MRPL2: variants seen among roughly 807,000 people sequenced by gnomAD.
The protein encoded by MRPL2 is large ribosomal subunit protein uL2m.
In MRPL2, 27 loss-of-function variants were observed where a neutral mutation model predicts 34.6. The observed-to-expected ratio is 0.78, with a 90% CI of 0.58 to 1.08. The LOEUF is 1.08. Among genes scored for constraint, MRPL2 ranks in the 50% least tolerant of loss-of-function variants. MRPL2 has a pLI of 0.00. For missense variants in MRPL2, 414 were observed against 419.3 expected (o/e 0.99, Z 0.11); for synonymous variants, 155 against 158.0 (o/e 0.98, Z 0.14).
rs1394432689 is a variant in MRPL2 at position 43,056,009 on chromosome 6, TAA to T, written c.521-4_521-3del. ...GCGCATCCCCTTCCCGAGCAGCAAC[TAA>T]AAGACAGGATTTCATTAGCTCTAGA... On this transcript the variant is annotated splice_region_variant and splice_polypyrimidine_tract_variant and intron_variant, in intron 4 of 6. Coordinates refer to ENST00000388752, the MANE Select transcript of MRPL2 (RefSeq NM_015950.5). 1.9e-6 allele frequency: 3 copies of T among 1,614,160 alleles called. No homozygotes were observed. The highest frequency in any genetic ancestry group is 2.5e-6 in the Non-Finnish European group (3 of 1,180,026).
In MRPL2 at chr6:43,054,210, A is replaced by T; in HGVS notation, c.*64T>A. 3.2e-6 allele frequency: 4 copies of T among 1,236,966 alleles called. No individual in the cohort carries two copies. The highest frequency in any genetic ancestry group is 4.5e-6 in the Non-Finnish European group (4 of 890,132). 76.6% of individuals were successfully genotyped at this position (1,236,966 alleles called of 1,614,324 possible). A position where few individuals can be genotyped will look rare whatever the true frequency, so the allele number is the denominator to read the frequency against. On this transcript the variant is annotated 3_prime_UTR_variant, in exon 7 of 7. Coordinates refer to ENST00000388752, the MANE Select transcript of MRPL2 (RefSeq NM_015950.5). ...ACAACAAAAAAAACAAAAAACACCC[A>T]AAACAAAACCACAGTAACAGATTAA... is the stretch of plus-strand genomic sequence containing the variant.
In MRPL2 at chr6:43,054,272, T is replaced by TATC; in HGVS notation, c.917_*1dup. ...GGGGCATTTTATTAGAGTACAGGGA[T>TATC]ATCAGCTTTGGGCAGAAGCAGAAGG... On this transcript the variant is annotated 3_prime_UTR_variant, in exon 7 of 7. Transcript: ENST00000388752. 1 of 1,485,910 alleles carries TATC rather than the reference T, an allele frequency of 6.7e-7. No individual in the cohort carries two copies. The highest frequency in any genetic ancestry group is 9.2e-7 in the Non-Finnish European group (1 of 1,091,524). 92.0% of individuals were successfully genotyped at this position (1,485,910 alleles called of 1,614,324 possible).
At chr6:43,059,547 C>T (rs1765023859), upstream of MRPL2, 2 of 1,426,988 alleles carry the variant, frequency 1.4e-6, no homozygotes, top group Non-Finnish European at 1.8e-6. Context: ...AGCCAATCCG[C>T]GGGCAGCTCT....
chr6:43,057,803 A>C (rs1017972282), intron 2 of MRPL2: 2 of 449,358 alleles, frequency 4.5e-6, no homozygotes, highest in African/African-American at 4.0e-5. Flanking sequence ...GAAGGGTATG[A>C]AGGAAAATGT....
At chr6:43,055,034 C>T (rs1220464094) in intron 6 of MRPL2, among the ~76,000 whole-genome samples, 2 of 151,748 alleles carry the variant, frequency 1.3e-5, no homozygotes, top group African/African-American at 4.8e-5. Flanking sequence ...GATTGTGCCA[C>T]TGCACTCAAG....
In MRPL2 at chr6:43,056,133, G is replaced by GT. The variant is rs1764871212; in HGVS notation, c.467dup (p.Asn156LysfsTer12). On this transcript the variant is annotated frameshift_variant, in exon 4 of 7. Coordinates refer to ENST00000388752, the MANE Select transcript of MRPL2 (RefSeq NM_015950.5). LOFTEE classifies it high-confidence loss of function. ...TCAAGATTGTATCTCCAGCCTGCAT[G>GT]TTTTCTGTGGCGATGATCCAGCGTT... is the stretch of plus-strand genomic sequence containing the variant. 6.2e-7 allele frequency: 1 copy of GT among 1,614,104 alleles called. No individual in the cohort carries two copies. The highest frequency in any genetic ancestry group is 1.3e-5 in the African/African-American group (1 of 74,924).
At chr6:43,056,029 G>A in intron 4 of MRPL2, 22 bp from the exon 5 acceptor site, 6 of 1,614,118 alleles carry the variant, frequency 3.7e-6, no homozygotes, top group Non-Finnish European at 5.1e-6. Context: ...GATTTCATTA[G>A]CTCTAGAACT....
Position 43,054,244 on chromosome 6 carries a change from G to GGGGGGGCATTTTATT in MRPL2, c.*15_*29dup. 1 of 1,395,972 alleles carries GGGGGGGCATTTTATT rather than the reference G, an allele frequency of 7.2e-7. No homozygotes were observed. The highest frequency in any genetic ancestry group is 9.8e-7 in the Non-Finnish European group (1 of 1,022,280). 86.5% of individuals were successfully genotyped at this position (1,395,972 alleles called of 1,614,324 possible). A position where few individuals can be genotyped will look rare whatever the true frequency, so the allele number is the denominator to read the frequency against. On this transcript the variant is annotated 3_prime_UTR_variant, in exon 7 of 7. Transcript: ENST00000388752. The stretch of plus-strand genomic sequence containing the variant: ...CCACAGTAACAGATTAAAACGGGGG[G>GGGGGGGCATTTTATT]GGGGGGCATTTTATTAGAGTACAGG...
chr6:43,056,483 A>G (rs1021065636), intron 2 of MRPL2, 38 bp from the exon 3 acceptor site: 14 of 1,612,746 alleles, frequency 8.7e-6, no homozygotes, highest in Non-Finnish European at 1.2e-5. Flanking sequence ...GATTCAGGTC[A>G]GAGTAGTTTA....
rs535192955 is a variant in MRPL2 at position 43,058,124 on chromosome 6, C to T, written c.206G>A (p.Arg69His). 6 of 1,614,116 alleles carry T rather than the reference C, an allele frequency of 3.7e-6. No homozygotes were observed. In the African/African-American group the frequency reaches 4.0e-5, roughly 11 times the overall value. Residue 69 changes from arginine to histidine, a missense_variant, in exon 2 of 7, where the codon CGT becomes CAT. Arg to His is a conservative substitution (Grantham distance 29). Coordinates refer to ENST00000388752, the MANE Select transcript of MRPL2 (RefSeq NM_015950.5). Reference sequence around the variant, plus strand: ...CACTGGTGTAATGGTGTACTTGGTACGACTCTTCCAGGACACAAAGTTGGC... The same window carrying T: ...CACTGGTGTAATGGTGTACTTGGTATGACTCTTCCAGGACACAAAGTTGGC... ...LNANFVSWKSRTKYTITPVKM... is the reference protein window; with the variant it reads ...LNANFVSWKSHTKYTITPVKM...
chr6:43,055,577 T>C lies in MRPL2; in HGVS notation c.673A>G (p.Ile225Val), dbSNP rs1764833347. 1.2e-6 allele frequency: 2 copies of C among 1,613,988 alleles called. No homozygotes were observed. The highest frequency in any genetic ancestry group is 1.7e-5 in the Admixed American group (1 of 59,984). ...VLLRKVNGTA[I>V]IQLPSKRQMQ... ...TGCCTCTTAGAGGGCAGCTGGATAA[T>C]GGCTGTGCCATTCACCTTCCGCAGT... Residue 225 changes from isoleucine to valine, a missense_variant, in exon 6 of 7, where the codon ATT (isoleucine) becomes GTT (valine). Coordinates refer to ENST00000388752, the MANE Select transcript of MRPL2 (RefSeq NM_015950.5).
intron 1 of MRPL2, among the ~76,000 whole-genome samples, chr6:43,058,483 C>T (rs144274241): frequency 7.2e-5 from 11 of 152,218 alleles, no homozygotes; most frequent in Non-Finnish European, 4.4e-5. Flanking sequence ...CAATTCCCTT[C>T]TCCAGAGCTG....
At chr6:43,055,658 G>C (rs2150344400) in intron 5 of MRPL2, 40 bp from the exon 6 acceptor site, 2 of 1,610,784 alleles carry the variant, frequency 1.2e-6, no homozygotes, top group Middle Eastern at 1.7e-4. Context: ...CACAAAACAG[G>C]GGGGTGCAGA....
At chr6:43,059,512 T>G (rs1196847004), upstream of MRPL2, 2 of 1,436,442 alleles carry the variant, frequency 1.4e-6, no homozygotes, top group African/African-American at 2.9e-5. Flanking sequence ...GATACACACC[T>G]CCTTTCCTAC....
intron 6 of MRPL2, among the ~76,000 whole-genome samples, chr6:43,054,739 A>G (rs150059188): frequency 0.022 from 3,347 of 152,106 alleles, 55 homozygotes; most frequent in Non-Finnish European, 0.034. Context: ...GAAGTTCAAG[A>G]CCAGCCTGGG....
chr6:43,058,598 A>G (rs914611407), intron 1 of MRPL2, among the ~76,000 whole-genome samples: 1 of 151,820 alleles, frequency 6.6e-6, no homozygotes, highest in South Asian at 2.1e-4. Flanking sequence ...GGGTCATTTC[A>G]CTCTTGTTCC....
In MRPL2 at chr6:43,054,503, A is replaced by G. The variant is rs751027656; in HGVS notation, c.706-17T>C. On this transcript the variant is annotated splice_polypyrimidine_tract_variant and intron_variant, in intron 6 of 6. Transcript: ENST00000388752. The stretch of plus-strand genomic sequence containing the variant: ...TTCCAGCACCTGACAGAGAAAACAG[A>G]TGGAGATTCTGTACAATGGGGGGGA... 6.2e-7 allele frequency: 1 copy of G among 1,608,838 alleles called. No individual in the cohort carries two copies. Among genetic ancestry groups the G allele is most frequent in the South Asian group, 1.1e-5 (1 of 90,934 alleles).
intron 2 of MRPL2, chr6:43,057,862 C>CT: frequency 1.9e-6 from 1 of 513,788 alleles, no homozygotes; most frequent in Non-Finnish European, 3.4e-6. Context: ...CCCAAATTGT[C>CT]TTTAGAAGCA....
intron 6 of MRPL2, among the ~76,000 whole-genome samples, chr6:43,055,334 G>T (rs1032224102): frequency 2.6e-5 from 4 of 152,110 alleles, no homozygotes; most frequent in African/African-American, 9.7e-5. Context: ...ACTCCAGCCT[G>T]GGCGACAGAG....
Sources: allele counts gnomAD v4.1 joint callset (sites outside exome capture counted in the v4.1 genomes callset), GRCh38; gene constraint gnomAD v4.1.1; transcripts MANE v1.5; gene names NCBI Gene and HGNC (gene_info 2026-07-23, HGNC 2026-07-21).